IGSF10: variants seen among roughly 807,000 people sequenced by gnomAD.
IGSF10 encodes immunoglobulin superfamily member 10.
A neutral mutation model predicts 128.2 loss-of-function variants in IGSF10; 126 were observed. The ratio of observed to expected loss-of-function variants is 0.98; its 90% CI spans 0.85 to 1.14. The LOEUF (loss-of-function observed/expected upper bound fraction) is 1.14, where lower values mean the gene tolerates loss of function less well. Among genes scored for constraint, IGSF10 ranks in the 50% most tolerant of loss-of-function variants. The pLI, the probability that IGSF10 is intolerant of heterozygous loss-of-function variation, is 0.00. For synonymous variants in IGSF10, 1,185 were observed against 1,146.2 expected, an observed-to-expected ratio of 1.03 and a Z score of -0.68; for missense variants, 3,295 against 3,149.8, an observed-to-expected ratio of 1.05 and a Z score of -1.10.
At chr3:151,570,354 G>A in the IGSF10 span, among the ~76,000 whole-genome samples, 1 of 152,316 alleles carries the variant, frequency 6.6e-6, no homozygotes, top group South Asian at 2.1e-4. Flanking sequence ...CCCACCAACA[G>A]TGTAAAAGTG....
chr3:151,461,770 A>T (rs1184486807), upstream of IGSF10, among the ~76,000 whole-genome samples: 1 of 152,094 alleles, frequency 6.6e-6, no homozygotes, highest in African/African-American at 2.4e-5. Context: ...TTAATTCTCT[A>T]TCTCTGTATA....
the IGSF10 span, among the ~76,000 whole-genome samples, chr3:151,592,538 G>T: frequency 6.6e-6 from 1 of 152,114 alleles, no homozygotes; most frequent in Non-Finnish European, 1.5e-5. Context: ...GCAGTCAAGG[G>T]ACCCTGAGTT....
upstream of IGSF10, among the ~76,000 whole-genome samples, chr3:151,463,600 G>C (rs897579107): frequency 8.2e-6 from 1 of 121,642 alleles, no homozygotes; most frequent in African/African-American, 3.3e-5. Context: ...AGGCTGGAGT[G>C]CAATGGCGCA....
chr3:151,575,699 C>T, the IGSF10 span, among the ~76,000 whole-genome samples: 4,016 of 152,280 alleles, frequency 0.026, 173 homozygotes, highest in African/African-American at 0.092. Context: ...CGATGCCCTA[C>T]CGTGCTTCGG....
At chr3:151,561,241 C>T in the IGSF10 span, among the ~76,000 whole-genome samples, 2 of 152,018 alleles carry the variant, frequency 1.3e-5, no homozygotes, top group Non-Finnish European at 2.9e-5. Flanking sequence ...ATAATTTTTT[C>T]TTTAAAACAA....
the IGSF10 span, among the ~76,000 whole-genome samples, chr3:151,466,589 G>A: frequency 6.6e-6 from 1 of 151,926 alleles, no homozygotes; most frequent in African/African-American, 2.4e-5. Flanking sequence ...GTTTTGTTTT[G>A]TTTGTTCGAG....
chr3:151,587,685 G>T, the IGSF10 span, among the ~76,000 whole-genome samples: 1 of 152,164 alleles, frequency 6.6e-6, no homozygotes, highest in African/African-American at 2.4e-5. Flanking sequence ...ATCTCATTTT[G>T]AATTGTAACT....
chr3:151,461,581 C>T (rs1015701762), upstream of IGSF10: 3 of 332,570 alleles, frequency 9.0e-6, no homozygotes, highest in African/African-American at 2.2e-5. Flanking sequence ...CATAGTTACC[C>T]CATTTTTGTT....
chr3:151,498,877 C>T, the IGSF10 span, among the ~76,000 whole-genome samples: 9 of 152,178 alleles, frequency 5.9e-5, no homozygotes, highest in South Asian at 2.1e-4. Flanking sequence ...ATCAAAGTTT[C>T]GCTCAATACA....
the IGSF10 span, among the ~76,000 whole-genome samples, chr3:151,507,954 A>AAATAAT: frequency 5.4e-4 from 3 of 5,532 alleles, no homozygotes; most frequent in Non-Finnish European, 1.1e-3. Context: ...ATCTAGATCT[A>AAATAAT]TCAATAAATA....
the IGSF10 span, among the ~76,000 whole-genome samples, chr3:151,470,705 G>A: frequency 2.6e-5 from 4 of 152,174 alleles, no homozygotes; most frequent in South Asian, 4.2e-4. Context: ...ACTATAGCCT[G>A]CAATTATACC....
the IGSF10 span, among the ~76,000 whole-genome samples, chr3:151,468,039 C>T: frequency 1.3e-5 from 2 of 152,192 alleles, no homozygotes; most frequent in South Asian, 2.1e-4. Flanking sequence ...GATTACAGAA[C>T]TCGCTTAGAG....
At chr3:151,491,766 G>A in the IGSF10 span, among the ~76,000 whole-genome samples, 1 of 152,064 alleles carries the variant, frequency 6.6e-6, no homozygotes, top group Non-Finnish European at 1.5e-5. Flanking sequence ...TCCAAAAATA[G>A]AGCCAGAGGG....
the IGSF10 span, among the ~76,000 whole-genome samples, chr3:151,619,008 A>T: frequency 6.6e-6 from 1 of 151,692 alleles, no homozygotes; most frequent in South Asian, 2.1e-4. Flanking sequence ...GTAAGAAACT[A>T]TAAATAATCT....
At position 151,445,660 on chromosome 3, in the gene IGSF10, T is replaced by C. The variant is rs1371680816; in HGVS notation, c.4321A>G (p.Thr1441Ala). ...CTCTGGTGTGATTTGCTGGACAAAG[T>C]TGTTTCAGAAGCAATTGTGCTCTTC... ...TLKSTIASET[T>A]LSSKSHQSTT... Residue 1441 changes from threonine (T) to alanine (A), a missense_variant, in exon 6 of 8, where the codon ACT becomes GCT. Physicochemically the swap from Thr to Ala is moderately conservative, Grantham distance 58. Transcript: ENST00000282466. 6.2e-7 allele frequency: 1 copy of C among 1,614,234 alleles called. No homozygotes were observed. The highest frequency in any genetic ancestry group is 8.5e-7 in the Non-Finnish European group (1 of 1,180,050).
chr3:151,445,059 G>A lies in IGSF10; in HGVS notation c.4922C>T (p.Ser1641Phe). The change falls in exon 6 of 8, where the codon TCT becomes TTT. Residue 1641 changes from serine (S) to phenylalanine (F), a missense_variant. By Grantham distance (155) the Ser-to-Phe change is radical. Coordinates refer to ENST00000282466, the MANE Select transcript of IGSF10 (RefSeq NM_178822.5). ...CCTGGGCTTTTCAAATATATACCTA[G>A]ACAAAGAGTCAAAGGGAAGGAGTTT... ...TSKLLPFDSL[S>F]RYIFEKPRIV... The A allele has an allele frequency of 6.2e-7, 1 of 1,614,190 alleles. No homozygotes were observed.
At chr3:151,567,388 C>G in the IGSF10 span, among the ~76,000 whole-genome samples, 1 of 152,204 alleles carries the variant, frequency 6.6e-6, no homozygotes, top group Admixed American at 6.5e-5. Flanking sequence ...TAAACCAGGA[C>G]TGTAGAAATT....
intron 7 of IGSF10, among the ~76,000 whole-genome samples, chr3:151,439,048 G>A (rs558483972): frequency 1.3e-5 from 2 of 152,060 alleles, no homozygotes; most frequent in African/African-American, 4.8e-5. Flanking sequence ...TTTAGTGCAA[G>A]TAAGTATTTC....
At chr3:151,540,590 T>C in the IGSF10 span, among the ~76,000 whole-genome samples, 1 of 152,230 alleles carries the variant, frequency 6.6e-6, no homozygotes, top group African/African-American at 2.4e-5. Flanking sequence ...ATAGTAGTGA[T>C]GTGAACATTC....
Sources: allele counts gnomAD v4.1 joint callset (sites outside exome capture counted in the v4.1 genomes callset), GRCh38; gene constraint gnomAD v4.1.1; transcripts MANE v1.5; gene names NCBI Gene and HGNC (gene_info 2026-07-23, HGNC 2026-07-21).